The following SPPL3 variants were observed in gnomAD, a reference collection of about 807,000 sequenced individuals.
SPPL3 encodes the protein signal peptide peptidase like 3, also known as signal peptide peptidase-like 3.
In SPPL3, 5 loss-of-function variants were observed where a neutral mutation model predicts 42.4. The ratio of observed to expected loss-of-function variants is 0.12; its 90% CI spans 0.06 to 0.25. The LOEUF (loss-of-function observed/expected upper bound fraction) is 0.25. Among genes scored for constraint, SPPL3 ranks in the 10% least tolerant of loss-of-function variants. SPPL3 has a pLI of 1.00. For synonymous variants in SPPL3, 195 were observed against 181.8 expected (o/e 1.07, Z -0.58); for missense variants, 235 against 489.0 (o/e 0.48, Z 4.90).
At chr12:120,836,330 C>G (rs1407359006) in intron 1 of SPPL3, among the ~76,000 whole-genome samples, 1 of 152,082 alleles carries the variant, frequency 6.6e-6, no homozygotes, top group Non-Finnish European at 1.5e-5. Context: ...GCACCTGAAG[C>G]TGGCATGCAA....
rs570972002 is a variant in SPPL3 at position 120,881,236 on chromosome 12, A to G, written c.23+22609T>C. ...GTAATCCCAGCACTTTGGGAGGCCG[A>G]GGCGGGAGGATCATCTGAGGTCAGG... On this transcript the variant is annotated intron_variant, in intron 1 of 10. Coordinates refer to ENST00000353487, the MANE Select transcript of SPPL3 (RefSeq NM_139015.5). Among the ~76,000 whole-genome samples the G allele has an allele frequency of 8.6e-5, 13 of 152,030 alleles. No individual in the cohort carries two copies. The East Asian group carries it at 2.5e-3, about 29-fold the overall frequency.
chr12:120,790,965 G>A lies in SPPL3; in HGVS notation c.190+504C>T, dbSNP rs1382362967. Among the ~76,000 whole-genome samples, 3 of 152,228 alleles carry A rather than the reference G, an allele frequency of 2.0e-5. No individual in the cohort carries two copies. The East Asian group carries it at 5.8e-4, about 29-fold the overall frequency. On this transcript the variant is annotated intron_variant, in intron 3 of 10. Transcript: ENST00000353487. ...AGCCTCAGTAGTAGCTGGAATTAGA[G>A]GCATGCGCCACCACACCTGGCTGAT...
At chr12:120,865,972 T>C (rs867887827) in intron 1 of SPPL3, among the ~76,000 whole-genome samples, 2 of 152,204 alleles carry the variant, frequency 1.3e-5, no homozygotes, top group Non-Finnish European at 2.9e-5. Flanking sequence ...GAACTGTGCA[T>C]GCGAGGGATC....
At chr12:120,831,177 G>A (rs528085571) in intron 1 of SPPL3, among the ~76,000 whole-genome samples, 28 of 152,116 alleles carry the variant, frequency 1.8e-4, no homozygotes, top group South Asian at 1.0e-3. Context: ...TTACACCATC[G>A]GCTCTCCTGG....
Position 120,766,305 on chromosome 12 carries a change from C to T in SPPL3, c.1041G>A (p.Val347=). ...TGAGGAGTGGCAATAAAGTAAATGGCACCAAATAGAGAAGGGCGGGCTGGG... is the reference window on the plus strand; with the variant it reads ...TGAGGAGTGGCAATAAAGTAAATGGTACCAAATAGAGAAGGGCGGGCTGGG... ...RAAQPALLYL[V]PFTLLPLLTM... is the part of the protein sequence containing the mutation. The change falls in exon 10 of 11, where the codon GTG becomes GTA. Residue 347 remains valine (V), a synonymous_variant. Transcript: ENST00000353487. The T allele has an allele frequency of 6.2e-7, 1 of 1,600,324 alleles. No individual in the cohort carries two copies. The highest frequency in any genetic ancestry group is 8.5e-7 in the Non-Finnish European group (1 of 1,173,994).
chr12:120,877,182 T>G (rs749461958), intron 1 of SPPL3, among the ~76,000 whole-genome samples: 1 of 152,136 alleles, frequency 6.6e-6, no homozygotes, highest in African/African-American at 2.4e-5. Flanking sequence ...TAAATCAATA[T>G]ATAGCCTAAA....
chr12:120,844,114 T>C (rs954856888), intron 1 of SPPL3, among the ~76,000 whole-genome samples: 1 of 152,196 alleles, frequency 6.6e-6, no homozygotes, highest in Non-Finnish European at 1.5e-5. Context: ...GGCTAATAGG[T>C]ATCTTAAACT....
At chr12:120,788,204 A>G (rs767865356) in intron 3 of SPPL3, among the ~76,000 whole-genome samples, 2 of 152,144 alleles carry the variant, frequency 1.3e-5, no homozygotes, top group African/African-American at 2.4e-5. Flanking sequence ...AATTTTAGCT[A>G]TTCTGGTGGT....
chr12:120,897,901 G>A (rs1350366043), intron 1 of SPPL3, among the ~76,000 whole-genome samples: 2 of 151,826 alleles, frequency 1.3e-5, no homozygotes, highest in African/African-American at 4.8e-5. Context: ...ATGGAGACCT[G>A]TGTTATTTGC....
intron 3 of SPPL3, among the ~76,000 whole-genome samples, chr12:120,790,163 T>G (rs1869866063): frequency 6.6e-6 from 1 of 152,202 alleles, no homozygotes; most frequent in Non-Finnish European, 1.5e-5. Context: ...TGTGGTTCCT[T>G]GCACTAGTAA....
chr12:120,853,616 T>C (rs770266443), intron 1 of SPPL3, among the ~76,000 whole-genome samples: 33 of 152,212 alleles, frequency 2.2e-4, no homozygotes, highest in Non-Finnish European at 4.7e-4. Flanking sequence ...ATTAAATTCA[T>C]GGATCTTCTA....
rs1342533905 is a variant in SPPL3 at position 120,763,645 on chromosome 12, G to A, written c.*1354C>T. On this transcript the variant is annotated 3_prime_UTR_variant, in exon 11 of 11. Transcript: ENST00000353487. ...GCTTGCAGCAGAGACCACAGCACAGGGCCAGGCTCTCAGGACACAGCAGCT... is the reference window on the plus strand; with the variant it reads ...GCTTGCAGCAGAGACCACAGCACAGAGCCAGGCTCTCAGGACACAGCAGCT... 1 of 152,852 alleles carries A rather than the reference G, an allele frequency of 6.5e-6. No individual in the cohort carries two copies. The allele number at this position is 152,852 out of a possible 1,614,324, so 9.5% of individuals were successfully genotyped here.
chr12:120,883,484 G>A (rs986889760), intron 1 of SPPL3, among the ~76,000 whole-genome samples: 10 of 152,082 alleles, frequency 6.6e-5, no homozygotes, highest in African/African-American at 2.4e-4. Context: ...CACCATAAAA[G>A]ATAATGGTAG....
intron 1 of SPPL3, among the ~76,000 whole-genome samples, chr12:120,865,399 T>C (rs1159149866): frequency 6.6e-6 from 1 of 152,222 alleles, no homozygotes; most frequent in Non-Finnish European, 1.5e-5. Flanking sequence ...TTGCTTGGGT[T>C]CCAATCCTGG....
chr12:120,884,614 C>T (rs1446891064), intron 1 of SPPL3, among the ~76,000 whole-genome samples: 1 of 148,646 alleles, frequency 6.7e-6, no homozygotes, highest in Non-Finnish European at 1.5e-5. Flanking sequence ...AGATATGCAA[C>T]AAATTTAATG....
rs1872495845 is a variant in SPPL3, at chr12:120,857,360, T to G, written c.24-46474A>C. Among the ~76,000 whole-genome samples, 3 of 152,218 alleles carry G rather than the reference T, an allele frequency of 2.0e-5. No individual in the cohort carries two copies. In the South Asian group the frequency reaches 6.2e-4, roughly 31 times the overall value. The stretch of plus-strand genomic sequence containing the variant: ...CGAGGCTGTGGAGAAACAGGAATGC[T>G]TTTACACTGTTGGTGGGAATGTAAA... On this transcript the variant is annotated intron_variant, in intron 1 of 10. Coordinates refer to ENST00000353487, the MANE Select transcript of SPPL3 (RefSeq NM_139015.5).
intron 1 of SPPL3, among the ~76,000 whole-genome samples, chr12:120,839,123 G>A (rs1375031452): frequency 2.0e-5 from 3 of 151,726 alleles, no homozygotes; most frequent in Non-Finnish European, 4.4e-5. Context: ...GTCCAACAAT[G>A]ATAGACTGGA....
intron 1 of SPPL3, among the ~76,000 whole-genome samples, chr12:120,866,356 C>T (rs946140226): frequency 4.0e-5 from 6 of 151,122 alleles, no homozygotes; most frequent in Non-Finnish European, 2.9e-5. Flanking sequence ...AGGGAAAGAG[C>T]CTGGGAATCC....
intron 1 of SPPL3, among the ~76,000 whole-genome samples, chr12:120,900,397 G>A (rs1873937446): frequency 1.3e-5 from 2 of 151,794 alleles, no homozygotes; most frequent in African/African-American, 4.8e-5. Flanking sequence ...AGATCACTTG[G>A]GCTGAGTTCA....
Sources: gnomAD v4.1 joint callset for allele counts (sites outside exome capture counted in the v4.1 genomes callset) on GRCh38, gnomAD v4.1.1 for gene constraint, MANE v1.5 for transcripts, NCBI Gene and HGNC (gene_info 2026-07-23, HGNC 2026-07-21) for gene names.